The following PTPRK variants were observed in gnomAD, a reference collection of about 807,000 sequenced individuals.
PTPRK encodes receptor-type tyrosine-protein phosphatase kappa.
In PTPRK, 75 loss-of-function variants were observed where a neutral mutation model predicts 178.0. The observed-to-expected ratio is 0.42, with a 90% CI of 0.35 to 0.51. PTPRK has a LOEUF of 0.51. Ranked by LOEUF, PTPRK falls within the 20% of genes least tolerant of loss-of-function variation. The pLI, the probability that PTPRK is intolerant of heterozygous loss-of-function variation, is 0.02. For missense variants in PTPRK, 1,441 were observed against 1,797.8 expected (o/e 0.80, Z 3.59); for synonymous variants, 637 against 620.6 (o/e 1.03, Z -0.39).
intron 8 of PTPRK, among the ~76,000 whole-genome samples, chr6:128,088,580 T>C (rs566011040): frequency 2.6e-5 from 4 of 152,140 alleles, no homozygotes; most frequent in Admixed American, 1.3e-4. Context: ...AAAGGAAATT[T>C]TGAAAGGAAA....
chr6:128,164,607 G>A (rs1799132727), intron 7 of PTPRK, among the ~76,000 whole-genome samples: 1 of 151,120 alleles, frequency 6.6e-6, no homozygotes, highest in Non-Finnish European at 1.5e-5. Flanking sequence ...AAAAAACACA[G>A]AACTAAATCT....
chr6:128,159,673 T>C lies in PTPRK; in HGVS notation c.1162+24759A>G, dbSNP rs568424428. 3.3e-5 allele frequency among the ~76,000 whole-genome samples: 5 copies of C among 151,804 alleles called. No homozygotes were observed. In the South Asian group the frequency reaches 1.0e-3, roughly 31 times the overall value. On this transcript the variant is annotated intron_variant, in intron 7 of 29. Coordinates refer to ENST00000368226, the MANE Select transcript of PTPRK (RefSeq NM_002844.4). ...AAAGTACCAATTTGCAACTCTTGTATTTAAAAAAAAAATACAGATGGACGT... is the reference window on the plus strand; with the variant it reads ...AAAGTACCAATTTGCAACTCTTGTACTTAAAAAAAAAATACAGATGGACGT...
chr6:128,180,362 C>A (rs1361360572), intron 7 of PTPRK, among the ~76,000 whole-genome samples: 1 of 151,702 alleles, frequency 6.6e-6, no homozygotes, highest in East Asian at 1.9e-4. Context: ...AATTACTTCC[C>A]TTTTAAGACA....
intron 13 of PTPRK, among the ~76,000 whole-genome samples, chr6:128,048,738 A>T (rs553100521): frequency 1.3e-5 from 2 of 152,288 alleles, no homozygotes; most frequent in Non-Finnish European, 2.9e-5. Context: ...AAGTATACAG[A>T]AGGATGTACA....
chr6:128,066,528 ATGTAAT>A (rs1201725101), intron 12 of PTPRK, among the ~76,000 whole-genome samples: 1 of 152,078 alleles, frequency 6.6e-6, no homozygotes, highest in East Asian at 1.9e-4. Context: ...AATATGACTG[ATGTAAT>A]TGTATATCAT....
At chr6:128,158,857 A>G (rs1357152113) in intron 7 of PTPRK, among the ~76,000 whole-genome samples, 1 of 151,798 alleles carries the variant, frequency 6.6e-6, no homozygotes, top group Non-Finnish European at 1.5e-5. Context: ...TAATTCCTCT[A>G]CTTTACTCCT....
At chr6:128,296,040 C>T (rs958320812) in intron 3 of PTPRK, among the ~76,000 whole-genome samples, 1 of 152,132 alleles carries the variant, frequency 6.6e-6, no homozygotes, top group Non-Finnish European at 1.5e-5. Context: ...AATGACTCTC[C>T]ATGGCCTCTG....
chr6:128,461,465 C>T (rs1222465441), intron 1 of PTPRK, among the ~76,000 whole-genome samples: 1 of 152,070 alleles, frequency 6.6e-6, no homozygotes, highest in Non-Finnish European at 1.5e-5. Flanking sequence ...ACAAAAGTTC[C>T]AGCACACATT....
At chr6:128,491,854 A>G (rs369518538) in intron 1 of PTPRK, 3 of 509,588 alleles carry the variant, frequency 5.9e-6, no homozygotes, top group African/African-American at 5.8e-5. Flanking sequence ...CAGACACTGA[A>G]AACGAAAGCG....
At chr6:128,006,437 T>C (rs945830426) in intron 14 of PTPRK, among the ~76,000 whole-genome samples, 6 of 150,976 alleles carry the variant, frequency 4.0e-5, no homozygotes, top group African/African-American at 9.7e-5. Flanking sequence ...GTGTACTATA[T>C]AGATTATTTT....
intron 5 of PTPRK, among the ~76,000 whole-genome samples, chr6:128,237,829 T>C (rs866736373): frequency 7.2e-6 from 1 of 138,302 alleles, no homozygotes; most frequent in Non-Finnish European, 1.5e-5. Flanking sequence ...TGCTTTATTA[T>C]GTTTTTTTTT....
intron 7 of PTPRK, among the ~76,000 whole-genome samples, chr6:128,136,455 T>C (rs192556501): frequency 5.3e-5 from 8 of 152,348 alleles, no homozygotes; most frequent in Non-Finnish European, 1.0e-4. Context: ...ATTCATTTAA[T>C]AAAATGGCAT....
rs765757680 is a variant in PTPRK, at chr6:128,393,613, A to G, written c.223+3953T>C. On this transcript the variant is annotated intron_variant, in intron 2 of 29. Transcript: ENST00000368226. ...GATTAACGAATGGATAAGCAGACAA[A>G]GAAATATTTCAGCAGAGGGAAAAGA... 3.1e-4 allele frequency among the ~76,000 whole-genome samples: 47 copies of G among 152,200 alleles called. 1 individual carries two copies. The highest frequency in any genetic ancestry group is 5.9e-5 in the Non-Finnish European group (4 of 68,024).
At chr6:128,315,009 AAAC>A (rs1205056751) in intron 3 of PTPRK, among the ~76,000 whole-genome samples, 2 of 3,526 alleles carry the variant, frequency 5.7e-4, no homozygotes, top group Non-Finnish European at 5.6e-3. Context: ...TGAAAGAAAA[AAAC>A]AAACAAACAA....
At chr6:128,335,792 A>G (rs1830842862) in intron 2 of PTPRK, among the ~76,000 whole-genome samples, 1 of 152,076 alleles carries the variant, frequency 6.6e-6, no homozygotes, top group South Asian at 2.1e-4. Flanking sequence ...ACTTAAAGAA[A>G]AAAAAAACCT....
chr6:128,455,806 T>C (rs1358141593), intron 1 of PTPRK, among the ~76,000 whole-genome samples: 1 of 152,102 alleles, frequency 6.6e-6, no homozygotes, highest in African/African-American at 2.4e-5. Flanking sequence ...AGTTAAGAGT[T>C]AGAAAATACT....
intron 22 of PTPRK, among the ~76,000 whole-genome samples, chr6:127,983,777 C>T (rs1775628670): frequency 1.3e-5 from 2 of 152,050 alleles, no homozygotes; most frequent in Non-Finnish European, 1.5e-5. Flanking sequence ...TGTCCTCTGG[C>T]AACAATGTGA....
intron 7 of PTPRK, among the ~76,000 whole-genome samples, chr6:128,127,874 A>G (rs542495102): frequency 6.6e-6 from 1 of 152,300 alleles, no homozygotes; most frequent in Admixed American, 6.5e-5. Context: ...ATAATTTCCA[A>G]TTATTCCTCT....
At chr6:128,300,795 G>A (rs1291012849) in intron 3 of PTPRK, among the ~76,000 whole-genome samples, 1 of 151,830 alleles carries the variant, frequency 6.6e-6, no homozygotes, top group Non-Finnish European at 1.5e-5. Flanking sequence ...CACCAGCATG[G>A]CACATGTATA....
Sources: gnomAD v4.1 joint callset for allele counts (sites outside exome capture counted in the v4.1 genomes callset) on GRCh38, gnomAD v4.1.1 for gene constraint, MANE v1.5 for transcripts, NCBI Gene and HGNC (gene_info 2026-07-23, HGNC 2026-07-21) for gene names.